Variants in PDK1 observed in about 807,000 individuals in gnomAD.
The protein encoded by PDK1 is pyruvate dehydrogenase kinase 1.
PDK1 carries 39 observed loss-of-function variants against 54.2 expected under a neutral mutation model. The ratio of observed to expected loss-of-function variants is 0.72; its 90% CI spans 0.56 to 0.94. The LOEUF is 0.94. Ranked by LOEUF, PDK1 falls within the 40% of genes least tolerant of loss-of-function variation. The pLI, the probability that PDK1 is intolerant of heterozygous loss-of-function variation, is 0.00. For synonymous variants in PDK1, 221 were observed against 207.1 expected (o/e 1.07, Z -0.58); for missense variants, 552 against 566.0 (o/e 0.98, Z 0.25).
chr2:172,565,327 A>G (rs891454605), intron 5 of PDK1, among the ~76,000 whole-genome samples: 1 of 152,158 alleles, frequency 6.6e-6, no homozygotes, highest in African/African-American at 2.4e-5. Flanking sequence ...TGTTTGAGAC[A>G]GAGTCTCACT....
At chr2:172,631,253 A>G in the PDK1 span, among the ~76,000 whole-genome samples, 5 of 152,136 alleles carry the variant, frequency 3.3e-5, no homozygotes, top group African/African-American at 9.7e-5. Flanking sequence ...ATCCCATCCC[A>G]TCGTATGTCA....
At chr2:172,669,384 C>T in the PDK1 span, among the ~76,000 whole-genome samples, 1 of 152,288 alleles carries the variant, frequency 6.6e-6, no homozygotes, top group East Asian at 1.9e-4. Flanking sequence ...AGTATTCCAT[C>T]GTGTATATAT....
At position 172,598,782 on chromosome 2, in the gene PDK1, A is replaced by G. The variant is rs1691010127; in HGVS notation, c.*2813A>G. 1 of 152,168 alleles carries G rather than the reference A, an allele frequency of 6.6e-6. No homozygotes were observed. The highest frequency in any genetic ancestry group is 1.5e-5 in the Non-Finnish European group (1 of 68,024). The allele number at this position is 152,168 out of a possible 1,614,324, so 9.4% of individuals were successfully genotyped here. On this transcript the variant is annotated 3_prime_UTR_variant, in exon 11 of 11. Transcript: ENST00000282077. ...GTATGGCAATAAACTGAAAACATGGATCAACCCTTCTTTTGAAAATAAACT... is the reference window on the plus strand; with the variant it reads ...GTATGGCAATAAACTGAAAACATGGGTCAACCCTTCTTTTGAAAATAAACT...
the PDK1 span, among the ~76,000 whole-genome samples, chr2:172,614,130 C>T: frequency 5.9e-5 from 9 of 151,664 alleles, no homozygotes; most frequent in African/African-American, 9.7e-5. Flanking sequence ...GTGTAGAACC[C>T]GGGAATCTCT....
At chr2:172,653,393 A>C in the PDK1 span, among the ~76,000 whole-genome samples, 907 of 152,256 alleles carry the variant, frequency 6.0e-3, 11 homozygotes, top group African/African-American at 0.02. Flanking sequence ...ACCTGAGGTA[A>C]GGAGTTTGAG....
intron 6 of PDK1, among the ~76,000 whole-genome samples, chr2:172,568,222 G>A (rs1262486776): frequency 6.6e-6 from 1 of 151,516 alleles, no homozygotes; most frequent in Non-Finnish European, 1.5e-5. Flanking sequence ...CAGCTACTCG[G>A]GAGGCTGAGG....
the PDK1 span, among the ~76,000 whole-genome samples, chr2:172,697,629 T>G: frequency 6.6e-6 from 1 of 152,192 alleles, no homozygotes; most frequent in Non-Finnish European, 1.5e-5. Context: ...ACCCCAATAA[T>G]TACATGTGGT....
the PDK1 span, among the ~76,000 whole-genome samples, chr2:172,640,114 G>T: frequency 1.3e-5 from 2 of 152,184 alleles, no homozygotes; most frequent in South Asian, 2.1e-4. Context: ...ATTCCAAATG[G>T]ACAATGTGAT....
At chr2:172,632,002 G>C in the PDK1 span, among the ~76,000 whole-genome samples, 28 of 152,134 alleles carry the variant, frequency 1.8e-4, no homozygotes, top group African/African-American at 6.5e-4. Context: ...GAGGCCGGAC[G>C]TGGTGGCTCA....
the PDK1 span, among the ~76,000 whole-genome samples, chr2:172,634,262 A>ATATTATTATTATTATTATTAT: frequency 0.12 from 16,161 of 139,262 alleles, 1,111 homozygotes; most frequent in Non-Finnish European, 0.13. Flanking sequence ...AAATCTATTT[A>ATATTATTATTATTATTATTAT]TATTATTATT....
At position 172,602,250 on chromosome 2, in the gene PDK1, G is replaced by A. The variant is rs992504606; in HGVS notation, c.*6281G>A. Reference sequence around the variant, plus strand: ...TGGAAAAATTGCTGATGAAATATTGGCACATTGAATGTAGCAGTGCATAAA... The same window carrying A: ...TGGAAAAATTGCTGATGAAATATTGACACATTGAATGTAGCAGTGCATAAA... On this transcript the variant is annotated 3_prime_UTR_variant, in exon 11 of 11. Coordinates refer to ENST00000282077, the MANE Select transcript of PDK1 (RefSeq NM_002610.5). 3 of 152,132 alleles carry A rather than the reference G, an allele frequency of 2.0e-5. No individual in the cohort carries two copies. The highest frequency in any genetic ancestry group is 2.9e-5 in the Non-Finnish European group (2 of 68,016). 9.4% of individuals were successfully genotyped at this position (152,132 alleles called of 1,614,324 possible). A position where few individuals can be genotyped will look rare whatever the true frequency, so the allele number is the denominator to read the frequency against.
intron 7 of PDK1, 196 bp from the exon 8 acceptor site, chr2:172,570,530 T>A: frequency 2.3e-6 from 1 of 428,264 alleles, no homozygotes; most frequent in South Asian, 6.6e-5. Context: ...TTGGAGTCTT[T>A]AGGTCAGAAT....
At chr2:172,686,682 G>A in the PDK1 span, among the ~76,000 whole-genome samples, 1 of 152,222 alleles carries the variant, frequency 6.6e-6, no homozygotes, top group Non-Finnish European at 1.5e-5. Context: ...CTCACTGTCT[G>A]CTGCTCACAA....
At position 172,606,210 on chromosome 2, in the gene PDK1, G is replaced by A. The variant is rs1691287671; in HGVS notation, c.*10241G>A. 6.6e-6 allele frequency: 1 copy of A among 152,188 alleles called. No homozygotes were observed. Among genetic ancestry groups the A allele is most frequent in the Non-Finnish European group, 1.5e-5 (1 of 68,038 alleles). 9.4% of individuals were successfully genotyped at this position (152,188 alleles called of 1,614,324 possible). On this transcript the variant is annotated 3_prime_UTR_variant, in exon 11 of 11. Coordinates refer to ENST00000282077, the MANE Select transcript of PDK1 (RefSeq NM_002610.5). ...TGTCCTAATTCTGGAGACCTGGGAA[G>A]TATTGATGAGAGTATAGTGATCATA...
the PDK1 span, among the ~76,000 whole-genome samples, chr2:172,643,345 C>T: frequency 1.3e-5 from 2 of 152,196 alleles, no homozygotes; most frequent in South Asian, 2.1e-4. Context: ...TCAAACTTAA[C>T]GCCCACACGT....
the PDK1 span, among the ~76,000 whole-genome samples, chr2:172,690,851 G>A: frequency 6.7e-5 from 10 of 148,716 alleles, no homozygotes; most frequent in African/African-American, 2.2e-4. Flanking sequence ...GGGCCTGTTG[G>A]GGGGGTGGGG....
At chr2:172,565,796 T>C (rs994519444) in intron 5 of PDK1, among the ~76,000 whole-genome samples, 2 of 152,262 alleles carry the variant, frequency 1.3e-5, no homozygotes, top group Non-Finnish European at 2.9e-5. Context: ...TATGTTTTTT[T>C]CTACAAGTTT....
upstream of PDK1, chr2:172,555,811 G>T (rs1395211735): frequency 3.2e-5 from 7 of 218,240 alleles, no homozygotes; most frequent in South Asian, 1.6e-4. Flanking sequence ...CGTGTACGGG[G>T]ACGGCCGACA....
the PDK1 span, among the ~76,000 whole-genome samples, chr2:172,646,604 A>G: frequency 6.6e-6 from 1 of 152,158 alleles, no homozygotes; most frequent in African/African-American, 2.4e-5. Flanking sequence ...TAGTTACAAT[A>G]TAGCTCATTT....
Sources: allele counts gnomAD v4.1 joint callset (sites outside exome capture counted in the v4.1 genomes callset), GRCh38; gene constraint gnomAD v4.1.1; transcripts MANE v1.5; gene names NCBI Gene and HGNC (gene_info 2026-07-23, HGNC 2026-07-21).